IL1RAPL2: variants seen among roughly 807,000 people sequenced by gnomAD.
IL1RAPL2 encodes the protein X-linked interleukin-1 receptor accessory protein-like 2.
IL1RAPL2 carries 3 observed loss-of-function variants against 44.1 expected under a neutral mutation model. That is an observed-to-expected ratio of 0.07 (90% CI 0.03 to 0.18). The LOEUF (loss-of-function observed/expected upper bound fraction) is 0.18, where lower values mean the gene tolerates loss of function less well. Ranked by LOEUF, IL1RAPL2 falls within the 10% of genes least tolerant of loss-of-function variation. The pLI, the probability that IL1RAPL2 is intolerant of heterozygous loss-of-function variation, is 1.00. For synonymous variants in IL1RAPL2, 181 were observed against 178.8 expected, an observed-to-expected ratio of 1.01 and a Z score of -0.10; for missense variants, 391 against 496.4, an observed-to-expected ratio of 0.79 and a Z score of 2.02.
At chrX:105,325,768 T>G (rs2034933558) in intron 5 of IL1RAPL2, among the ~76,000 whole-genome samples, 1 of 109,380 alleles carries the variant, frequency 9.1e-6, no homozygotes, top group South Asian at 3.9e-4. Flanking sequence ...ATAACCATTC[T>G]AGTAATTGTG....
chrX:105,172,844 A>AG (rs1479389325), intron 2 of IL1RAPL2, among the ~76,000 whole-genome samples: 1 of 111,278 alleles, frequency 9.0e-6, no homozygotes, highest in Non-Finnish European at 1.9e-5. Flanking sequence ...CTGCTACAAG[A>AG]GTGTTTATGG....
intron 2 of IL1RAPL2, among the ~76,000 whole-genome samples, chrX:105,177,359 C>G (rs2033484636): frequency 9.0e-6 from 1 of 110,573 alleles, no homozygotes; most frequent in African/African-American, 3.3e-5. Flanking sequence ...AAAACAAGCT[C>G]AGGTCCCACT....
intron 2 of IL1RAPL2, among the ~76,000 whole-genome samples, chrX:105,053,336 T>C (rs909118067): frequency 9.0e-6 from 1 of 111,552 alleles, no homozygotes; most frequent in Non-Finnish European, 1.9e-5. Context: ...TTAATTGAAG[T>C]TTTGGAGTTG....
intron 5 of IL1RAPL2, among the ~76,000 whole-genome samples, chrX:105,429,983 A>G (rs2035837059): frequency 9.0e-6 from 1 of 111,290 alleles, no homozygotes; most frequent in African/African-American, 3.3e-5. Flanking sequence ...TCCATTTGCT[A>G]TTGTAAATAC....
intron 2 of IL1RAPL2, among the ~76,000 whole-genome samples, chrX:104,727,922 T>C (rs985421485): frequency 1.8e-5 from 2 of 110,194 alleles, no homozygotes; most frequent in African/African-American, 6.6e-5. Flanking sequence ...TACATGGGCA[T>C]AGCAAGTGGA....
At chrX:105,238,648 G>T (rs1320434513) in intron 4 of IL1RAPL2, among the ~76,000 whole-genome samples, 1 of 111,459 alleles carries the variant, frequency 9.0e-6, no homozygotes, top group African/African-American at 3.3e-5. Context: ...GCACAAGTGA[G>T]TCCCTTTTGG....
intron 5 of IL1RAPL2, among the ~76,000 whole-genome samples, chrX:105,284,454 C>T (rs2034555831): frequency 8.9e-6 from 1 of 111,785 alleles, no homozygotes; most frequent in Admixed American, 9.5e-5. Context: ...TGTTGGGATA[C>T]CCATCACTTG....
intron 2 of IL1RAPL2, among the ~76,000 whole-genome samples, chrX:104,878,369 T>A (rs1456714290): frequency 8.9e-6 from 1 of 112,259 alleles, no homozygotes; most frequent in East Asian, 2.8e-4. Context: ...CTGTGCTTTA[T>A]ATATTACTGT....
intron 2 of IL1RAPL2, among the ~76,000 whole-genome samples, chrX:104,717,806 C>T (rs1386825511): frequency 2.8e-5 from 3 of 107,891 alleles, no homozygotes; most frequent in Non-Finnish European, 5.8e-5. Flanking sequence ...CTTCCTGTGT[C>T]CATGTGTTCT....
intron 3 of IL1RAPL2, among the ~76,000 whole-genome samples, chrX:105,223,322 G>T (rs2033984855): frequency 9.0e-6 from 1 of 111,393 alleles, no homozygotes. Context: ...TATGGAGCAA[G>T]AAGAGTAGAG....
At chrX:105,762,907 C>T (rs1292257017) in intron 10 of IL1RAPL2, among the ~76,000 whole-genome samples, 1 of 109,536 alleles carries the variant, frequency 9.1e-6, no homozygotes, top group Non-Finnish European at 1.9e-5. Context: ...TTTATTATCT[C>T]TTCGTGGTAA....
chrX:105,012,601 TC>T (rs1415736909), intron 2 of IL1RAPL2, among the ~76,000 whole-genome samples: 3 of 13,976 alleles, frequency 2.1e-4, no homozygotes, highest in African/African-American at 5.7e-4. Context: ...TTTCTCTTTC[TC>T]TCTCTCTCTC....
At chrX:105,212,887 C>T (rs1383780315) in intron 3 of IL1RAPL2, among the ~76,000 whole-genome samples, 3 of 111,916 alleles carry the variant, frequency 2.7e-5, no homozygotes, top group Admixed American at 9.4e-5. Flanking sequence ...AGAAGAGGGA[C>T]GTGACTGTTA....
intron 2 of IL1RAPL2, among the ~76,000 whole-genome samples, chrX:104,856,376 A>G (rs746681385): frequency 8.9e-6 from 1 of 112,267 alleles, no homozygotes; most frequent in African/African-American, 3.2e-5. Flanking sequence ...CAGCAAGACA[A>G]TATTCACATT....
At chrX:105,529,086 G>T (rs933404552) in intron 6 of IL1RAPL2, among the ~76,000 whole-genome samples, 1 of 111,236 alleles carries the variant, frequency 9.0e-6, no homozygotes, top group African/African-American at 3.3e-5. Context: ...GAAATAACCA[G>T]ACTAGTTATT....
At chrX:105,186,213 C>G (rs2033585208) in intron 2 of IL1RAPL2, among the ~76,000 whole-genome samples, 1 of 110,771 alleles carries the variant, frequency 9.0e-6, no homozygotes, top group African/African-American at 3.3e-5. Context: ...GACTATAAAC[C>G]TGAATTCAGT....
rs779664682 is a variant in IL1RAPL2 at position 104,594,882 on chromosome X, T to C, written c.-20+27831T>C. ...GGTGGCAAAGAGCTTAGTGAATTGGTTTTGGGGAAAAGAGCAGTGTAGCTG... is the reference window on the plus strand; with the variant it reads ...GGTGGCAAAGAGCTTAGTGAATTGGCTTTGGGGAAAAGAGCAGTGTAGCTG... On this transcript the variant is annotated intron_variant, in intron 1 of 10. Transcript: ENST00000372582. 2.7e-5 allele frequency among the ~76,000 whole-genome samples: 3 copies of C among 111,338 alleles called. No homozygotes were observed. The South Asian group carries it at 1.1e-3, about 43-fold the overall frequency.
At chrX:105,220,453 G>T (rs782501337) in intron 3 of IL1RAPL2, 14 of 1,048,798 alleles carry the variant, frequency 1.3e-5, no homozygotes, top group Non-Finnish European at 1.8e-5. Flanking sequence ...GCAGCCAATA[G>T]GTTCCTTTCC....
intron 5 of IL1RAPL2, among the ~76,000 whole-genome samples, chrX:105,342,888 A>G (rs1338979133): frequency 1.8e-5 from 2 of 111,528 alleles, no homozygotes; most frequent in African/African-American, 3.3e-5. Context: ...ACTTTGGGGG[A>G]TGAATTTTGA....
Sources: allele counts gnomAD v4.1 joint callset (sites outside exome capture counted in the v4.1 genomes callset), GRCh38; gene constraint gnomAD v4.1.1; transcripts MANE v1.5; gene names NCBI Gene and HGNC (gene_info 2026-07-23, HGNC 2026-07-21).